ZNF316: variants seen among roughly 807,000 people sequenced by gnomAD.
The protein encoded by ZNF316 is zinc finger protein 316.
In ZNF316, 23 loss-of-function variants were observed where a neutral mutation model predicts 75.6. The ratio of observed to expected loss-of-function variants is 0.30; its 90% CI spans 0.22 to 0.43. The LOEUF is 0.43. Ranked by LOEUF, ZNF316 falls within the 20% of genes least tolerant of loss-of-function variation. The pLI is 1.00. For missense variants in ZNF316, 1,266 were observed against 1,409.4 expected, an observed-to-expected ratio of 0.90 and a Z score of 1.63; for synonymous variants, 827 against 666.2, an observed-to-expected ratio of 1.24 and a Z score of -3.72.
intron 3 of ZNF316, among the ~76,000 whole-genome samples, chr7:6,641,369 G>A (rs548771500): frequency 6.6e-6 from 1 of 152,336 alleles, no homozygotes; most frequent in South Asian, 2.1e-4. Context: ...CCTGGGTAAT[G>A]GGCCCGGTCT....
Position 6,653,834 on chromosome 7 carries a change from C to G in ZNF316, c.2238C>G (p.Pro746=). The G allele has an allele frequency of 9.3e-7, 1 of 1,080,794 alleles. No individual in the cohort carries two copies. Among genetic ancestry groups the G allele is most frequent in the South Asian group, 4.3e-5 (1 of 23,036 alleles). 67.0% of individuals were successfully genotyped at this position (1,080,794 alleles called of 1,614,324 possible). ...GGCGCACACACACCGGCGAGCGGCC[C>G]TTCCCGTGCCCCGAGTGCGGCGCGC... ...RHRRTHTGER[P]FPCPECGARF... is the part of the protein sequence containing the mutation. The change falls in exon 9 of 9, where the codon CCC becomes CCG. Residue 746 remains proline, a synonymous_variant. Coordinates refer to ENST00000382252, the MANE Select transcript of ZNF316 (RefSeq NM_001278559.2).
At chr7:6,646,709 C>A (rs1030441359) in intron 8 of ZNF316, among the ~76,000 whole-genome samples, 3 of 152,120 alleles carry the variant, frequency 2.0e-5, no homozygotes, top group African/African-American at 7.2e-5. Flanking sequence ...CTCCCCGCCT[C>A]CCCCAGTGCT....
In ZNF316 at chr7:6,652,448, G is replaced by A; in HGVS notation, c.852G>A (p.Gly284=). 1.6e-6 allele frequency: 2 copies of A among 1,231,984 alleles called. No individual in the cohort carries two copies. The allele number at this position is 1,231,984 out of a possible 1,614,324, so 76.3% of individuals were successfully genotyped here. The part of the protein sequence containing the change: ...YGVGDVPGTW[G]PDDSDSAQTP... ...TGGGGGACGTGCCTGGGACGTGGGGGCCCGACGACTCGGATTCGGCGCAGA... is the reference window on the plus strand; with the variant it reads ...TGGGGGACGTGCCTGGGACGTGGGGACCCGACGACTCGGATTCGGCGCAGA... The change falls in exon 9 of 9, where the codon GGG becomes GGA. Residue 284 remains glycine (G), a synonymous_variant. Transcript: ENST00000382252.
chr7:6,644,564 A>T lies in ZNF316; in HGVS notation c.677A>T (p.Glu226Val). 8.1e-7 allele frequency: 1 copy of T among 1,232,320 alleles called. No individual in the cohort carries two copies. Among genetic ancestry groups the T allele is most frequent in the Non-Finnish European group, 1.0e-6 (1 of 988,002 alleles). 76.3% of individuals were successfully genotyped at this position (1,232,320 alleles called of 1,614,324 possible). ...PWVPDSPRPEEGDIVTGVYTG... is the reference protein window; with the variant it reads ...PWVPDSPRPEVGDIVTGVYTG... ...GTCCCAGATAGTCCCCGACCTGAGGAAGGAGACATCGTCACTGGCGTCTAC... is the reference window on the plus strand; with the variant it reads ...GTCCCAGATAGTCCCCGACCTGAGGTAGGAGACATCGTCACTGGCGTCTAC... Residue 226 changes from glutamate (E) to valine (V), a missense_variant, in exon 8 of 9, where the codon GAA becomes GTA. Around this residue, in one of 3 missense-constraint regions of ZNF316, gnomAD observed 961 missense variants for 990.9 expected, o/e 0.97. Coordinates refer to ENST00000382252, the MANE Select transcript of ZNF316 (RefSeq NM_001278559.2).
At chr7:6,648,876 G>T (rs996289425) in intron 8 of ZNF316, among the ~76,000 whole-genome samples, 1 of 152,212 alleles carries the variant, frequency 6.6e-6, no homozygotes, top group Non-Finnish European at 1.5e-5. Flanking sequence ...CAAAGGGGAA[G>T]CCTCTAAAGA....
Position 6,642,293 on chromosome 7 carries a change from T to C in ZNF316, c.-28-89T>C, listed in dbSNP as rs1337760107. On this transcript the variant is annotated intron_variant, in intron 4 of 8. Coordinates refer to ENST00000382252, the MANE Select transcript of ZNF316 (RefSeq NM_001278559.2). This position sits in a 1 kb window ranked among gnomAD's most constrained non-coding sequence, Gnocchi z 8.1. The stretch of plus-strand genomic sequence containing the variant: ...AACAGGAGGAGTAAATCCTGCTCCC[T>C]GCGCCCCCGCCAGGCTGCGGGAGAC... 1 of 574,696 alleles carries C rather than the reference T, an allele frequency of 1.7e-6. No individual in the cohort carries two copies. Among genetic ancestry groups the C allele is most frequent in the Non-Finnish European group, 2.6e-6 (1 of 387,796 alleles). The allele number at this position is 574,696 out of a possible 1,614,324, so 35.6% of individuals were successfully genotyped here.
At position 6,653,336 on chromosome 7, in the gene ZNF316, G is replaced by C; in HGVS notation, c.1740G>C (p.Glu580Asp). Residue 580 changes from glutamate to aspartate, a missense_variant, in exon 9 of 9, where the codon GAG (glutamate) becomes GAC (aspartate). This residue lies in a region of ZNF316 where 961 missense variants were observed against 990.9 expected (regional missense o/e 0.97). Transcript: ENST00000382252. ...VDPAPERRFLELGNGLGEGEG... is the reference protein window; with the variant it reads ...VDPAPERRFLDLGNGLGEGEG... ...CCGCGCCGGAACGGCGCTTCCTGGA[G>C]CTGGGCAACGGCCTGGGGGAGGGCG... 2.4e-6 allele frequency: 3 copies of C among 1,226,406 alleles called. No individual in the cohort carries two copies. The highest frequency in any genetic ancestry group is 8.5e-5 in the Admixed American group (2 of 23,454). 76.0% of individuals were successfully genotyped at this position (1,226,406 alleles called of 1,614,324 possible). A position where few individuals can be genotyped will look rare whatever the true frequency, so the allele number is the denominator to read the frequency against.
chr7:6,643,462 G>A (rs978342748), intron 6 of ZNF316, among the ~76,000 whole-genome samples: 1 of 152,228 alleles, frequency 6.6e-6, no homozygotes, highest in African/African-American at 2.4e-5. Flanking sequence ...CGGTTTAGTT[G>A]CTGCTGCTTG....
At position 6,654,434 on chromosome 7, in the gene ZNF316, G is replaced by A. The variant is rs1387502297; in HGVS notation, c.2838G>A (p.Ser946=). 2.4e-5 allele frequency: 29 copies of A among 1,206,518 alleles called. No homozygotes were observed. Among genetic ancestry groups the A allele is most frequent in the Admixed American group, 4.4e-5 (1 of 22,782 alleles). 74.7% of individuals were successfully genotyped at this position (1,206,518 alleles called of 1,614,324 possible). Residue 946 remains serine (S), a synonymous_variant, in exon 9 of 9, where the codon TCG becomes TCA. Coordinates refer to ENST00000382252, the MANE Select transcript of ZNF316 (RefSeq NM_001278559.2). Reference sequence around the variant, plus strand: ...GCGGAGCCACCGCAGCGCCGGGCTCGGGTTCGGCCCCAGCCCCCGCGCCCA... The same window carrying A: ...GCGGAGCCACCGCAGCGCCGGGCTCAGGTTCGGCCCCAGCCCCCGCGCCCA... The part of the protein sequence containing the change: ...THRGATAAPG[S]GSAPAPAPKP...
rs1779602144 is a variant in ZNF316, at chr7:6,655,325, G to GT, written c.*717dup. 1 of 152,310 alleles carries GT rather than the reference G, an allele frequency of 6.6e-6. No homozygotes were observed. The highest frequency in any genetic ancestry group is 2.4e-5 in the African/African-American group (1 of 41,440). 9.4% of individuals were successfully genotyped at this position (152,310 alleles called of 1,614,324 possible). A position where few individuals can be genotyped will look rare whatever the true frequency, so the allele number is the denominator to read the frequency against. ...CGGGTGTTGACAGGGTCCTGAGGGA[G>GT]TTTGAAGCCTTATTCTCGAGCCGCC... On this transcript the variant is annotated 3_prime_UTR_variant, in exon 9 of 9. Coordinates refer to ENST00000382252, the MANE Select transcript of ZNF316 (RefSeq NM_001278559.2).
intron 6 of ZNF316, among the ~76,000 whole-genome samples, chr7:6,643,555 C>G (rs1039260603): frequency 6.6e-6 from 1 of 152,174 alleles, no homozygotes; most frequent in African/African-American, 2.4e-5. Flanking sequence ...GGACTGGGGG[C>G]GGGGCTCCCT....
Position 6,653,327 on chromosome 7 carries a change from C to T in ZNF316, c.1731C>T (p.Arg577=). The change falls in exon 9 of 9, where the codon CGC becomes CGT. Residue 577 remains arginine (R), a synonymous_variant. Coordinates refer to ENST00000382252, the MANE Select transcript of ZNF316 (RefSeq NM_001278559.2). The part of the protein sequence containing the change: ...SGKVDPAPER[R]FLELGNGLGE... ...AGGTGGACCCCGCGCCGGAACGGCG[C>T]TTCCTGGAGCTGGGCAACGGCCTGG... 8.2e-7 allele frequency: 1 copy of T among 1,226,412 alleles called. No homozygotes were observed. Among genetic ancestry groups the T allele is most frequent in the South Asian group, 4.1e-5 (1 of 24,306 alleles). The allele number at this position is 1,226,412 out of a possible 1,614,324, so 76.0% of individuals were successfully genotyped here.
Position 6,642,638 on chromosome 7 carries a change from G to C in ZNF316, c.229G>C (p.Val77Leu). Residue 77 changes from valine (V) to leucine (L), a missense_variant, in exon 5 of 9, where the codon GTG becomes CTG. Val to Leu is a conservative substitution (Grantham distance 32). Around this residue, in one of 3 missense-constraint regions of ZNF316, gnomAD observed 961 missense variants for 990.9 expected, o/e 0.97. Coordinates refer to ENST00000382252, the MANE Select transcript of ZNF316 (RefSeq NM_001278559.2). This position sits in a 1 kb window ranked among gnomAD's most constrained non-coding sequence, Gnocchi z 8.1. ...AQVEAVAEVE[V>L]EADVEEEDVK... ...GGTGGAGGCGGTGGCCGAGGTGGAG[G>C]TGGAGGCGGACGTGGAGGAGGAGGA... 8.1e-7 allele frequency: 1 copy of C among 1,236,022 alleles called. No homozygotes were observed. The highest frequency in any genetic ancestry group is 1.5e-5 in the African/African-American group (1 of 64,594). 76.6% of individuals were successfully genotyped at this position (1,236,022 alleles called of 1,614,324 possible).
rs181722535 is a variant in ZNF316, at chr7:6,641,110, C to T, written c.-166-715C>T. Among the ~76,000 whole-genome samples the T allele has an allele frequency of 1.1e-3, 166 of 152,314 alleles. 3 individuals are homozygous for T. Among genetic ancestry groups the T allele is most frequent in the African/African-American group, 3.7e-3 (155 of 41,572 alleles). ...TCACGGAGCAGCTTTCTCCTGTGTC[C>T]GTAAGAACACCAGGCGTGGTGGTCT... On this transcript the variant is annotated intron_variant, in intron 3 of 8. Transcript: ENST00000382252.
In ZNF316 at chr7:6,653,808, C is replaced by T; in HGVS notation, c.2212C>T (p.Arg738Trp). 2.8e-6 allele frequency: 3 copies of T among 1,079,848 alleles called. No homozygotes were observed. Among genetic ancestry groups the T allele is most frequent in the Non-Finnish European group, 3.4e-6 (3 of 888,358 alleles). The allele number at this position is 1,079,848 out of a possible 1,614,324, so 66.9% of individuals were successfully genotyped here. Reference protein sequence around the residue: ...FVYGSHLARHRRTHTGERPFP... With the variant: ...FVYGSHLARHWRTHTGERPFP... ...GTACGGCTCGCACCTGGCGCGCCAC[C>T]GGCGCACACACACCGGCGAGCGGCC... The change falls in exon 9 of 9, where the codon CGG becomes TGG. Residue 738 changes from arginine to tryptophan, a missense_variant. By Grantham distance (101) the Arg-to-Trp change is moderately radical. Around this residue, in one of 3 missense-constraint regions of ZNF316, gnomAD observed 194 missense variants for 319.2 expected, o/e 0.61. Coordinates refer to ENST00000382252, the MANE Select transcript of ZNF316 (RefSeq NM_001278559.2).
chr7:6,653,558 C>G lies in ZNF316; in HGVS notation c.1962C>G (p.Gly654=). ...EGTGLACDPF[G]GGGAAGGGGG... The stretch of plus-strand genomic sequence containing the variant: ...CCGGGCTGGCGTGCGACCCTTTCGG[C>G]GGCGGCGGGGCCGCGGGCGGCGGAG... Residue 654 remains glycine, a synonymous_variant, in exon 9 of 9, where the codon GGC becomes GGG. Transcript: ENST00000382252. 5 of 1,169,070 alleles carry G rather than the reference C, an allele frequency of 4.3e-6. No individual in the cohort carries two copies. Among genetic ancestry groups the G allele is most frequent in the Non-Finnish European group, 5.3e-6 (5 of 947,930 alleles). 72.4% of individuals were successfully genotyped at this position (1,169,070 alleles called of 1,614,324 possible).
Position 6,654,479 on chromosome 7 carries a change from G to A in ZNF316, c.2883G>A (p.Lys961=), listed in dbSNP as rs1395829046. Residue 961 remains lysine (K), a synonymous_variant, in exon 9 of 9, where the codon AAG becomes AAA. Transcript: ENST00000382252. The stretch of plus-strand genomic sequence containing the variant: ...CGCCCAAGCCCGAGGCGGCCGCCAA[G>A]GGGCCGTCCAGTGCCGGCCCCGGTG... ...APAPKPEAAA[K]GPSSAGPGER... 1.4e-5 allele frequency: 17 copies of A among 1,187,434 alleles called. No individual in the cohort carries two copies. The highest frequency in any genetic ancestry group is 3.4e-4 in the Middle Eastern group (1 of 2,970). 73.6% of individuals were successfully genotyped at this position (1,187,434 alleles called of 1,614,324 possible). A position where few individuals can be genotyped will look rare whatever the true frequency, so the allele number is the denominator to read the frequency against.
chr7:6,637,600 T>G lies in ZNF316; in HGVS notation c.-431+153T>G, dbSNP rs898960506. On this transcript the variant is annotated intron_variant, in intron 1 of 8. Coordinates refer to ENST00000382252, the MANE Select transcript of ZNF316 (RefSeq NM_001278559.2). The surrounding 1 kb of genome is among the most constrained non-coding windows in gnomAD (Gnocchi z 6.2). Reference sequence around the variant, plus strand: ...GCGGGGAGGCGGCGGGGCCGGGGCCTGCAGAGTCGGAGCGGAACGCGGGTA... The same window carrying G: ...GCGGGGAGGCGGCGGGGCCGGGGCCGGCAGAGTCGGAGCGGAACGCGGGTA... Among the ~76,000 whole-genome samples the G allele has an allele frequency of 1.0e-4, 15 of 148,702 alleles. No homozygotes were observed. Among genetic ancestry groups the G allele is most frequent in the African/African-American group, 3.7e-4 (15 of 40,928 alleles).
chr7:6,644,323 G>A (rs1779360476), intron 7 of ZNF316, among the ~76,000 whole-genome samples, 157 bp from the exon 8 acceptor site: 1 of 152,122 alleles, frequency 6.6e-6, no homozygotes, highest in Non-Finnish European at 1.5e-5. Flanking sequence ...AAGGTTCAGA[G>A]GGAAGGGACC....
Sources: allele counts gnomAD v4.1 joint callset (sites outside exome capture counted in the v4.1 genomes callset), GRCh38; gene constraint gnomAD v4.1.1; regional missense constraint gnomAD v4.1.1; non-coding constraint Gnocchi (gnomAD v3.1); transcripts MANE v1.5; gene names NCBI Gene and HGNC (gene_info 2026-07-23, HGNC 2026-07-21).